CPEB3: variants seen among roughly 807,000 people sequenced by gnomAD.
CPEB3 encodes the protein cytoplasmic polyadenylation element binding protein 3, also known as cytoplasmic polyadenylation element-binding protein 3.
CPEB3 carries 20 observed loss-of-function variants against 67.2 expected under a neutral mutation model. That is an observed-to-expected ratio of 0.30 (90% CI 0.21 to 0.43). The LOEUF is 0.43. Among genes scored for constraint, CPEB3 ranks in the 20% least tolerant of loss-of-function variants. The probability of loss-of-function intolerance (pLI) is 1.00; values close to 1 mark genes in which losing one functional copy is unlikely to be tolerated. For missense variants in CPEB3, 746 were observed against 968.6 expected (o/e 0.77, Z 3.05); for synonymous variants, 376 against 393.1 (o/e 0.96, Z 0.51).
chr10:92,057,185 C>T (rs889140815), intron 9 of CPEB3, among the ~76,000 whole-genome samples: 1 of 152,156 alleles, frequency 6.6e-6, no homozygotes, highest in Admixed American at 6.5e-5. Flanking sequence ...TAGGACTTGA[C>T]TCTTGAATGG....
In CPEB3 at chr10:92,199,910, AG is replaced by A. The variant is rs1188349861; in HGVS notation, c.1006-7275del. On this transcript the variant is annotated intron_variant, in intron 2 of 9. Transcript: ENST00000265997. Reference sequence around the variant, plus strand: ...TCCAAACACACAGAGAGAGAGAGAGAGAGAGAGAGAGAGAATTATTTTAAAA... The same window carrying A: ...TCCAAACACACAGAGAGAGAGAGAGAAGAGAGAGAGAGAATTATTTTAAAA... Among the ~76,000 whole-genome samples, 5 of 152,172 alleles carry A rather than the reference AG, an allele frequency of 3.3e-5. No individual in the cohort carries two copies. In the East Asian group the frequency reaches 9.7e-4, roughly 29 times the overall value.
intron 1 of CPEB3, among the ~76,000 whole-genome samples, chr10:92,287,397 G>C (rs997201631): frequency 6.6e-6 from 1 of 152,138 alleles, no homozygotes; most frequent in Non-Finnish European, 1.5e-5. Flanking sequence ...AGAATATATT[G>C]TAATTCCAAT....
intron 2 of CPEB3, among the ~76,000 whole-genome samples, chr10:92,233,062 C>T (rs1335971794): frequency 1.3e-5 from 2 of 152,120 alleles, no homozygotes; most frequent in African/African-American, 4.8e-5. Context: ...CATGTCATAA[C>T]AGGTTCTGAA....
At chr10:92,149,210 G>T (rs1344257477) in intron 4 of CPEB3, among the ~76,000 whole-genome samples, 2 of 152,048 alleles carry the variant, frequency 1.3e-5, no homozygotes, top group Non-Finnish European at 2.9e-5. Context: ...TCTAATACTG[G>T]CTTATTTTGA....
chr10:92,277,965 A>C (rs190199728), intron 1 of CPEB3, among the ~76,000 whole-genome samples: 3 of 151,054 alleles, frequency 2.0e-5, no homozygotes, highest in Non-Finnish European at 4.4e-5. Context: ...TGGGTGGATC[A>C]TGAGGTCAGG....
intron 6 of CPEB3, among the ~76,000 whole-genome samples, chr10:92,114,940 G>A (rs1844930518): frequency 6.6e-6 from 1 of 152,232 alleles, no homozygotes; most frequent in Non-Finnish European, 1.5e-5. Context: ...TAAAATTAAA[G>A]TTGAGTTTTT....
chr10:92,227,597 C>T (rs1158920122), intron 2 of CPEB3, among the ~76,000 whole-genome samples: 2 of 142,410 alleles, frequency 1.4e-5, no homozygotes, highest in African/African-American at 2.5e-5. Flanking sequence ...TTATTTTTTT[C>T]TTTTTTTTTT....
intron 7 of CPEB3, among the ~76,000 whole-genome samples, chr10:92,093,206 G>A (rs183419303): frequency 6.6e-6 from 1 of 152,260 alleles, no homozygotes; most frequent in African/African-American, 2.4e-5. Flanking sequence ...GGTGCAGAAA[G>A]GGAACCTGGT....
chr10:92,265,985 T>G (rs1236334875), intron 1 of CPEB3, among the ~76,000 whole-genome samples: 1 of 151,884 alleles, frequency 6.6e-6, no homozygotes, highest in Non-Finnish European at 1.5e-5. Context: ...AATTAATGGA[T>G]TATGATAAAG....
rs528705362 is a variant in CPEB3, at chr10:92,227,152, C to T, written c.1005+12194G>A. 3.9e-5 allele frequency among the ~76,000 whole-genome samples: 6 copies of T among 152,284 alleles called. No homozygotes were observed. The South Asian group carries it at 1.2e-3, about 32-fold the overall frequency. ...AAAACAAAAGGTCAGGGAGACTGCA[C>T]TCCCCTCTTGGTTACCTCTGTGGTC... On this transcript the variant is annotated intron_variant, in intron 2 of 9. Coordinates refer to ENST00000265997, the MANE Select transcript of CPEB3 (RefSeq NM_014912.5).
chr10:92,184,170 T>C (rs558206239), intron 3 of CPEB3, among the ~76,000 whole-genome samples: 56 of 152,344 alleles, frequency 3.7e-4, no homozygotes, highest in African/African-American at 1.3e-3. Context: ...ACAAGAGCCT[T>C]AGGCAGTGTT....
chr10:92,200,337 G>A (rs577798017), intron 2 of CPEB3, among the ~76,000 whole-genome samples: 2 of 152,042 alleles, frequency 1.3e-5, no homozygotes, highest in South Asian at 2.1e-4. Flanking sequence ...CTGAGGTCGG[G>A]AGTTCGAGAC....
intron 1 of CPEB3, among the ~76,000 whole-genome samples, chr10:92,274,108 T>C (rs1182438734): frequency 2.0e-5 from 3 of 152,234 alleles, no homozygotes; most frequent in Non-Finnish European, 2.9e-5. Context: ...TTACTTGCTA[T>C]GATTTCATTT....
chr10:92,277,626 C>T (rs118026564), intron 1 of CPEB3, among the ~76,000 whole-genome samples: 7,472 of 152,300 alleles, frequency 0.049, 277 homozygotes, highest in Non-Finnish European at 0.074. Flanking sequence ...CACAGTGGCT[C>T]ATGCCCGTAA....
Position 92,109,501 on chromosome 10 carries a change from C to T in CPEB3, c.1572+1575G>A, listed in dbSNP as rs189812722. On this transcript the variant is annotated intron_variant, in intron 7 of 9. Transcript: ENST00000265997. ...TCTCCTGACCTCGTGATCCACCCAC[C>T]TTGGCCTCCCAAAGTGCTGGGATTA... 3.7e-3 allele frequency among the ~76,000 whole-genome samples: 562 copies of T among 152,230 alleles called. 3 individuals carry two copies. Among genetic ancestry groups the T allele is most frequent in the African/African-American group, 0.013 (537 of 41,544 alleles).
At position 92,121,340 on chromosome 10, in the gene CPEB3, T is replaced by TAC. The variant is rs1333545616; in HGVS notation, c.1454-10148_1454-10147dup. On this transcript the variant is annotated intron_variant, in intron 6 of 9. Coordinates refer to ENST00000265997, the MANE Select transcript of CPEB3 (RefSeq NM_014912.5). ...TACTCTTAAATGGCTATTGGGGAAATACACACACATATATATATATAAAAT... is the reference window on the plus strand; with the variant it reads ...TACTCTTAAATGGCTATTGGGGAAATACACACACACATATATATATATAAAAT... Among the ~76,000 whole-genome samples the TAC allele has an allele frequency of 1.1e-4, 16 of 147,708 alleles. No individual in the cohort carries two copies. The East Asian group carries it at 2.0e-3, about 18-fold the overall frequency.
chr10:92,286,212 GGC>G (rs1842519922), intron 1 of CPEB3, among the ~76,000 whole-genome samples: 1 of 152,018 alleles, frequency 6.6e-6, no homozygotes, highest in African/African-American at 2.4e-5. Context: ...TGGGATTACA[GGC>G]GTGAGCTACC....
intron 4 of CPEB3, 132 bp downstream of exon 4, chr10:92,180,831 C>T (rs1848426401): frequency 6.2e-6 from 4 of 642,962 alleles, no homozygotes; most frequent in Non-Finnish European, 1.1e-5. Context: ...ACTTTGAGAA[C>T]CACTAGTACA....
At chr10:92,125,716 G>T (rs1845582160) in intron 6 of CPEB3, among the ~76,000 whole-genome samples, 1 of 151,794 alleles carries the variant, frequency 6.6e-6, no homozygotes, top group Non-Finnish European at 1.5e-5. Context: ...CATGCTAAAG[G>T]AAACAGACTT....
Sources: gnomAD v4.1 joint callset for allele counts (sites outside exome capture counted in the v4.1 genomes callset) on GRCh38, gnomAD v4.1.1 for gene constraint, MANE v1.5 for transcripts, NCBI Gene and HGNC (gene_info 2026-07-23, HGNC 2026-07-21) for gene names.